MAP3K2: variants seen among roughly 807,000 people sequenced by gnomAD.
MAP3K2 encodes MAP/ERK kinase kinase 2.
Under a neutral mutation model 80.3 loss-of-function variants are expected in MAP3K2, and 24 were observed. The observed-to-expected ratio is 0.30, with a 90% CI of 0.22 to 0.42. The LOEUF is 0.42. Ranked by LOEUF, MAP3K2 falls within the 10% of genes least tolerant of loss-of-function variation. The pLI is 1.00. For synonymous variants in MAP3K2, 244 were observed against 253.7 expected (o/e 0.96, Z 0.36); for missense variants, 608 against 750.1 (o/e 0.81, Z 2.21).
chr2:127,387,554 T>TC lies in MAP3K2; in HGVS notation c.-169dup. The TC allele has an allele frequency of 1.0e-6, 1 of 984,592 alleles. No homozygotes were observed. The highest frequency in any genetic ancestry group is 1.2e-6 in the Non-Finnish European group (1 of 829,588). The allele number at this position is 984,592 out of a possible 1,614,324, so 61.0% of individuals were successfully genotyped here. A position where few individuals can be genotyped will look rare whatever the true frequency, so the allele number is the denominator to read the frequency against. ...CGCGGCCTGTCACCGCGGCCCCAGG[T>TC]CGGGGGCTGCCGCAGGGCCCCCGGG... On this transcript the variant is annotated 5_prime_UTR_variant, in exon 1 of 17. Coordinates refer to ENST00000682094, the MANE Select transcript of MAP3K2 (RefSeq NM_001371910.2).
intron 11 of MAP3K2, 82 bp downstream of exon 11, chr2:127,323,820 T>G: frequency 1.7e-6 from 1 of 584,218 alleles, no homozygotes; most frequent in South Asian, 3.3e-5. Flanking sequence ...AACACAAATA[T>G]GAGGTTTTAA....
chr2:127,309,207 T>TCC (rs36090699), intron 15 of MAP3K2, among the ~76,000 whole-genome samples: 1 of 152,194 alleles, frequency 6.6e-6, no homozygotes, highest in African/African-American at 2.4e-5. Context: ...AAAAGCATTT[T>TCC]CCCCCTCTAT....
intron 1 of MAP3K2, among the ~76,000 whole-genome samples, chr2:127,353,933 A>C (rs1407876053): frequency 6.6e-6 from 1 of 151,662 alleles, no homozygotes; most frequent in South Asian, 2.1e-4. Flanking sequence ...CTGTTGATCT[A>C]TGACCTTACC....
intron 14 of MAP3K2, among the ~76,000 whole-genome samples, chr2:127,316,663 A>C (rs1325446569): frequency 1.3e-5 from 2 of 152,214 alleles, no homozygotes; most frequent in African/African-American, 4.8e-5. Context: ...TGCAGGACTC[A>C]ATATGTCAAT....
At chr2:127,370,277 G>A (rs964045735) in intron 1 of MAP3K2, among the ~76,000 whole-genome samples, 7 of 152,126 alleles carry the variant, frequency 4.6e-5, no homozygotes, top group East Asian at 1.9e-4. Flanking sequence ...GTCTGTGGGC[G>A]GCCCAGTCCC....
chr2:127,310,771 C>A lies in MAP3K2; in HGVS notation c.1457-2009G>T, dbSNP rs1437046954. ...CTGGGATTATAAATCTAGTTTCCGT[C>A]TTTTATAAATCATTTCTCTTCTCAT... On this transcript the variant is annotated intron_variant, in intron 15 of 16. Transcript: ENST00000682094. This position sits in a 1 kb window ranked among gnomAD's most constrained non-coding sequence, Gnocchi z 4.8. Among the ~76,000 whole-genome samples the A allele has an allele frequency of 1.3e-5, 2 of 152,106 alleles. No individual in the cohort carries two copies. Among genetic ancestry groups the A allele is most frequent in the Admixed American group, 6.5e-5 (1 of 15,268 alleles).
intron 1 of MAP3K2, among the ~76,000 whole-genome samples, chr2:127,368,138 A>G (rs1198103272): frequency 6.6e-6 from 1 of 151,748 alleles, no homozygotes; most frequent in African/African-American, 2.4e-5. Context: ...CCTGGCCAAC[A>G]TGGTGAAGCC....
intron 1 of MAP3K2, among the ~76,000 whole-genome samples, chr2:127,361,178 T>A (rs1394472198): frequency 6.6e-6 from 1 of 151,892 alleles, no homozygotes; most frequent in African/African-American, 2.4e-5. Flanking sequence ...CTGGGCATGG[T>A]GGCAGGCGCC....
At chr2:127,330,297 T>C in intron 6 of MAP3K2, 95 bp downstream of exon 6, 2 of 625,210 alleles carry the variant, frequency 3.2e-6, no homozygotes, top group Non-Finnish European at 2.8e-6. Flanking sequence ...AATGAAAATA[T>C]TGCAATGATT....
chr2:127,386,185 T>C (rs1687343994), intron 1 of MAP3K2, among the ~76,000 whole-genome samples: 3 of 152,240 alleles, frequency 2.0e-5, no homozygotes, highest in African/African-American at 2.4e-5. Flanking sequence ...CAATTATGCA[T>C]AGAGCTTCAA....
intron 1 of MAP3K2, among the ~76,000 whole-genome samples, chr2:127,354,260 A>G (rs940512809): frequency 2.0e-5 from 3 of 150,312 alleles, no homozygotes; most frequent in Non-Finnish European, 4.4e-5. Flanking sequence ...AAAGAAAGAA[A>G]TATCATTTGA....
rs950025612 is a variant in MAP3K2, at chr2:127,310,769, G to A, written c.1457-2007C>T. Among the ~76,000 whole-genome samples the A allele has an allele frequency of 3.3e-5, 5 of 151,878 alleles. No individual in the cohort carries two copies. The highest frequency in any genetic ancestry group is 2.1e-4 in the South Asian group (1 of 4,816). On this transcript the variant is annotated intron_variant, in intron 15 of 16. Transcript: ENST00000682094. This position sits in a 1 kb window ranked among gnomAD's most constrained non-coding sequence, Gnocchi z 4.8. The stretch of plus-strand genomic sequence containing the variant: ...TTCTGGGATTATAAATCTAGTTTCC[G>A]TCTTTTATAAATCATTTCTCTTCTC...
intron 1 of MAP3K2, among the ~76,000 whole-genome samples, chr2:127,351,335 G>A (rs965024164): frequency 6.6e-6 from 1 of 151,964 alleles, no homozygotes; most frequent in Admixed American, 6.6e-5. Context: ...AAATATTGTG[G>A]GGTGATGGGA....
In MAP3K2 at chr2:127,330,431, C is replaced by G; in HGVS notation, c.339G>C (p.Lys113Asn). 1 of 1,608,826 alleles carries G rather than the reference C, an allele frequency of 6.2e-7. No individual in the cohort carries two copies. Among genetic ancestry groups the G allele is most frequent in the Non-Finnish European group, 8.5e-7 (1 of 1,176,960 alleles). Reference sequence around the variant, plus strand: ...TTATTACAAGTAATATCTTGAGGCTCTTCATATGAATACTACGATCCAGCA... The same window carrying G: ...TTATTACAAGTAATATCTTGAGGCTGTTCATATGAATACTACGATCCAGCA... ...VELLDRSIHM[K>N]SLKILLVING... Residue 113 changes from lysine (K) to asparagine (N), a missense_variant, in exon 6 of 17, where the codon AAG becomes AAC. Lys to Asn is a moderately conservative substitution (Grantham distance 94). Transcript: ENST00000682094.
At chr2:127,342,409 G>GTGTA (rs1158825362) in intron 2 of MAP3K2, among the ~76,000 whole-genome samples, 1 of 151,852 alleles carries the variant, frequency 6.6e-6, no homozygotes, top group Non-Finnish European at 1.5e-5. Context: ...GTGTGTGTGT[G>GTGTA]TGTGTGTGTG....
intron 12 of MAP3K2, among the ~76,000 whole-genome samples, chr2:127,318,866 A>G (rs1323230413): frequency 6.6e-6 from 1 of 152,244 alleles, no homozygotes; most frequent in East Asian, 1.9e-4. Context: ...GCACTGGCTC[A>G]CTTGTGGCAA....
intron 1 of MAP3K2, among the ~76,000 whole-genome samples, chr2:127,358,164 A>T (rs879669927): frequency 6.6e-6 from 1 of 152,240 alleles, no homozygotes; most frequent in African/African-American, 2.4e-5. Context: ...ACACTTCACC[A>T]AAAAGACATT....
rs565771096 is a variant in MAP3K2 at position 127,381,999 on chromosome 2, C to A, written c.-66+5453G>T. Among the ~76,000 whole-genome samples the A allele has an allele frequency of 4.6e-5, 7 of 152,104 alleles. No individual in the cohort carries two copies. In the East Asian group the frequency reaches 1.4e-3, roughly 29 times the overall value. ...ACTGTCTTGATCTCTTAAAAAAAATCATTGTCATTTTTAAAGGGTGTAAGA... is the reference window on the plus strand; with the variant it reads ...ACTGTCTTGATCTCTTAAAAAAAATAATTGTCATTTTTAAAGGGTGTAAGA... On this transcript the variant is annotated intron_variant, in intron 1 of 16. Transcript: ENST00000682094.
chr2:127,308,240 A>C (rs969327009), intron 16 of MAP3K2, among the ~76,000 whole-genome samples: 5 of 152,250 alleles, frequency 3.3e-5, no homozygotes, highest in Admixed American at 2.6e-4. Flanking sequence ...TTAAAGATTA[A>C]ATGAATTATA....
Sources: gnomAD v4.1 joint callset for allele counts (sites outside exome capture counted in the v4.1 genomes callset) on GRCh38, gnomAD v4.1.1 for gene constraint, Gnocchi (gnomAD v3.1) non-coding constraint, MANE v1.5 for transcripts, NCBI Gene and HGNC (gene_info 2026-07-23, HGNC 2026-07-21) for gene names.